Variants in NEK10 observed in about 807,000 individuals in gnomAD.
NEK10 encodes serine/threonine-protein kinase Nek10.
In NEK10, 122 loss-of-function variants were observed where a neutral mutation model predicts 159.8. That is an observed-to-expected ratio of 0.76 (90% confidence interval 0.66 to 0.89). The LOEUF (loss-of-function observed/expected upper bound fraction) is 0.89, where lower values mean the gene tolerates loss of function less well. Among genes scored for constraint, NEK10 ranks in the 40% least tolerant of loss-of-function variants. NEK10 has a pLI of 0.00. For missense variants in NEK10, 1,342 were observed against 1,323.1 expected (o/e 1.01, Z -0.22); for synonymous variants, 466 against 457.1 (o/e 1.02, Z -0.25).
intron 23 of NEK10, among the ~76,000 whole-genome samples, chr3:27,249,104 G>C (rs909679662): frequency 6.6e-6 from 1 of 152,176 alleles, no homozygotes; most frequent in African/African-American, 2.4e-5. Flanking sequence ...CTGTTCTCAT[G>C]ATAGTGAATT....
chr3:27,320,454 C>A (rs777966746), intron 6 of NEK10, among the ~76,000 whole-genome samples: 1 of 152,154 alleles, frequency 6.6e-6, no homozygotes. Flanking sequence ...AACTGAGACA[C>A]ATTGGAGAAT....
chr3:27,305,935 C>G (rs1003979262), intron 11 of NEK10, among the ~76,000 whole-genome samples: 2 of 152,162 alleles, frequency 1.3e-5, no homozygotes, highest in African/African-American at 4.8e-5. Context: ...TCTTTCAACC[C>G]TGTCATCATG....
intron 5 of NEK10, among the ~76,000 whole-genome samples, chr3:27,331,867 C>T (rs1403102316): frequency 6.6e-6 from 1 of 152,158 alleles, no homozygotes; most frequent in Non-Finnish European, 1.5e-5. Context: ...CAAAATTCTT[C>T]AAATTTGTAG....
At chr3:27,124,473 T>C (rs997345380) in intron 32 of NEK10, among the ~76,000 whole-genome samples, 1 of 152,154 alleles carries the variant, frequency 6.6e-6, no homozygotes, top group African/African-American at 2.4e-5. Context: ...TTCTTACAAC[T>C]ACCCTCTAAG....
At chr3:27,275,726 G>A (rs1011591650) in intron 22 of NEK10, among the ~76,000 whole-genome samples, 1 of 152,134 alleles carries the variant, frequency 6.6e-6, no homozygotes, top group Admixed American at 6.5e-5. Flanking sequence ...TATCAGAAAT[G>A]CAATACTAAC....
intron 23 of NEK10, among the ~76,000 whole-genome samples, chr3:27,220,574 G>A (rs1266646961): frequency 6.6e-6 from 1 of 152,004 alleles, no homozygotes; most frequent in Non-Finnish European, 1.5e-5. Context: ...GACATCTTGC[G>A]GGGGTGGGGG....
chr3:27,313,680 A>T (rs1466819791), intron 7 of NEK10, among the ~76,000 whole-genome samples: 1 of 152,158 alleles, frequency 6.6e-6, no homozygotes, highest in African/African-American at 2.4e-5. Context: ...CATATGGTAT[A>T]TACAATGCTA....
intron 23 of NEK10, among the ~76,000 whole-genome samples, chr3:27,227,161 T>A (rs188178665): frequency 1.2e-3 from 178 of 152,330 alleles, no homozygotes; most frequent in African/African-American, 4.0e-3. Flanking sequence ...GACAGAATGC[T>A]AGTAAATTGG....
At chr3:27,240,144 T>C (rs1342592054) in intron 23 of NEK10, among the ~76,000 whole-genome samples, 1 of 152,204 alleles carries the variant, frequency 6.6e-6, no homozygotes, top group African/African-American at 2.4e-5. Flanking sequence ...GTCTGGGCAA[T>C]TAAACAAATG....
chr3:27,330,336 T>C (rs960293171), intron 5 of NEK10, among the ~76,000 whole-genome samples: 1 of 152,342 alleles, frequency 6.6e-6, no homozygotes, highest in East Asian at 1.9e-4. Flanking sequence ...TGTCTATGTT[T>C]AAGGTTGTGA....
intron 9 of NEK10, chr3:27,310,299 A>G (rs1399291630): frequency 6.6e-6 from 1 of 152,210 alleles, no homozygotes; most frequent in African/African-American, 2.4e-5. Flanking sequence ...ATTGTAAGCA[A>G]TAATACCTGT....
chr3:27,329,235 C>A (rs1348426880), intron 5 of NEK10, among the ~76,000 whole-genome samples: 1 of 152,206 alleles, frequency 6.6e-6, no homozygotes, highest in Non-Finnish European at 1.5e-5. Context: ...GATTGTGAGG[C>A]CTCCCCAGCC....
At chr3:27,204,026 A>C (rs1207781024) in intron 23 of NEK10, among the ~76,000 whole-genome samples, 3 of 152,164 alleles carry the variant, frequency 2.0e-5, no homozygotes, top group Non-Finnish European at 4.4e-5. Context: ...ACAAGAAGAA[A>C]ACATGCTCAA....
chr3:27,299,518 T>A (rs2043630511), intron 13 of NEK10, among the ~76,000 whole-genome samples: 1 of 151,916 alleles, frequency 6.6e-6, no homozygotes, highest in African/African-American at 2.4e-5. Flanking sequence ...CCACACAGAG[T>A]CCCTGCTGGG....
intron 20 of NEK10, 107 bp downstream of exon 20, chr3:27,287,591 A>C: frequency 5.9e-6 from 7 of 1,196,434 alleles, no homozygotes; most frequent in Non-Finnish European, 8.0e-6. Flanking sequence ...TAACAAAAAA[A>C]GGTCAATAAA....
At chr3:27,322,736 AC>A (rs1247276127) in intron 5 of NEK10, among the ~76,000 whole-genome samples, 6 of 152,176 alleles carry the variant, frequency 3.9e-5, no homozygotes, top group African/African-American at 1.4e-4. Context: ...TTTGGACTTC[AC>A]CATCTTTGTT....
intron 22 of NEK10, among the ~76,000 whole-genome samples, chr3:27,263,864 G>T (rs1212140200): frequency 6.6e-6 from 1 of 152,156 alleles, no homozygotes; most frequent in African/African-American, 2.4e-5. Flanking sequence ...GATGAACCCA[G>T]TACCTCAGTT....
intron 22 of NEK10, among the ~76,000 whole-genome samples, chr3:27,258,066 G>C (rs1055454204): frequency 4.0e-5 from 6 of 151,808 alleles, no homozygotes; most frequent in African/African-American, 1.5e-4. Context: ...AAAGTGCTGG[G>C]ATTACAGGCG....
intron 32 of NEK10, 77 bp downstream of exon 32, chr3:27,131,803 A>G: frequency 1.5e-6 from 1 of 680,054 alleles, no homozygotes; most frequent in East Asian, 2.7e-5. Flanking sequence ...TAAAGTACGA[A>G]GTAAAGGAGG....
Sources: gnomAD v4.1 joint callset for allele counts (sites outside exome capture counted in the v4.1 genomes callset) on GRCh38, gnomAD v4.1.1 for gene constraint, MANE v1.5 for transcripts, NCBI Gene and HGNC (gene_info 2026-07-23, HGNC 2026-07-21) for gene names.